The following CNTN5 variants were observed in gnomAD, a reference collection of about 807,000 sequenced individuals.
The protein encoded by CNTN5 is contactin 5.
CNTN5 carries 77 observed loss-of-function variants against 129.1 expected under a neutral mutation model. That is an observed-to-expected ratio of 0.60 (90% confidence interval 0.50 to 0.72). CNTN5 has a LOEUF of 0.72. Ranked by LOEUF, CNTN5 falls within the 30% of genes least tolerant of loss-of-function variation. CNTN5 has a pLI of 0.00. For missense variants in CNTN5, 1,478 were observed against 1,328.8 expected, an observed-to-expected ratio of 1.11 and a Z score of -1.75; for synonymous variants, 509 against 465.6, an observed-to-expected ratio of 1.09 and a Z score of -1.20.
chr11:100,255,066 C>G (rs1401097211), intron 16 of CNTN5, among the ~76,000 whole-genome samples: 1 of 152,118 alleles, frequency 6.6e-6, no homozygotes. Context: ...CTATACCATT[C>G]TTTCATAATC....
chr11:99,149,676 T>A (rs1027316281), intron 1 of CNTN5, among the ~76,000 whole-genome samples: 2 of 152,116 alleles, frequency 1.3e-5, no homozygotes, highest in South Asian at 2.1e-4. Flanking sequence ...AAAAGTATAT[T>A]CTTATTATTT....
chr11:100,239,916 T>A (rs1017707509), intron 16 of CNTN5, among the ~76,000 whole-genome samples: 1 of 152,244 alleles, frequency 6.6e-6, no homozygotes, highest in African/African-American at 2.4e-5. Context: ...TTGAATTATA[T>A]GTTTTGCTCA....
chr11:100,236,163 T>C (rs540169905), intron 16 of CNTN5, among the ~76,000 whole-genome samples: 1 of 152,304 alleles, frequency 6.6e-6, no homozygotes, highest in African/African-American at 2.4e-5. Context: ...GGTCAATTCC[T>C]AGTCAACATA....
At chr11:99,805,438 A>G (rs1333998051) in intron 3 of CNTN5, among the ~76,000 whole-genome samples, 1 of 152,216 alleles carries the variant, frequency 6.6e-6, no homozygotes, top group African/African-American at 2.4e-5. Context: ...TTGTTTATAT[A>G]GAGAAAAAAA....
At chr11:100,168,445 C>CTTGAGA (rs564641576) in intron 13 of CNTN5, among the ~76,000 whole-genome samples, 140 of 152,048 alleles carry the variant, frequency 9.2e-4, no homozygotes, top group African/African-American at 3.1e-3. Flanking sequence ...TTGTAGGGCT[C>CTTGAGA]TTGAGAATTA....
chr11:99,925,431 T>C (rs935903319), intron 7 of CNTN5, among the ~76,000 whole-genome samples: 2 of 152,226 alleles, frequency 1.3e-5, no homozygotes, highest in Admixed American at 1.3e-4. Context: ...ATGCATTTGG[T>C]TGTCCTTTTA....
intron 1 of CNTN5, among the ~76,000 whole-genome samples, chr11:99,142,369 T>C (rs1222753343): frequency 1.3e-5 from 2 of 152,072 alleles, no homozygotes; most frequent in Non-Finnish European, 1.5e-5. Context: ...TGCAGGTGAG[T>C]GCATGCCGGC....
At position 99,778,213 on chromosome 11, in the gene CNTN5, C is replaced by A. The variant is rs552678218; in HGVS notation, c.56-41331C>A. Reference sequence around the variant, plus strand: ...TTTGTGATGGATTCCCAAAAACATTCTTTAGGTATGTCCTGCTTGGATACA... The same window carrying A: ...TTTGTGATGGATTCCCAAAAACATTATTTAGGTATGTCCTGCTTGGATACA... On this transcript the variant is annotated intron_variant, in intron 3 of 24. Coordinates refer to ENST00000524871, the MANE Select transcript of CNTN5 (RefSeq NM_014361.4). Among the ~76,000 whole-genome samples the A allele has an allele frequency of 2.0e-5, 3 of 151,816 alleles. No individual in the cohort carries two copies. The South Asian group carries it at 6.2e-4, about 32-fold the overall frequency.
intron 3 of CNTN5, among the ~76,000 whole-genome samples, chr11:99,638,083 A>G (rs1591400406): frequency 3.9e-5 from 1 of 25,388 alleles, no homozygotes; most frequent in African/African-American, 8.3e-5. Context: ...ACTGAGAAAC[A>G]AACAAAGGTT....
intron 1 of CNTN5, among the ~76,000 whole-genome samples, chr11:99,159,678 A>G (rs571026967): frequency 1.3e-4 from 20 of 152,328 alleles, no homozygotes; most frequent in Admixed American, 3.9e-4. Context: ...CAAGGGAAGC[A>G]ATATCTTGAA....
At chr11:99,809,602 AC>A (rs1446915656) in intron 3 of CNTN5, among the ~76,000 whole-genome samples, 2 of 152,008 alleles carry the variant, frequency 1.3e-5, no homozygotes, top group African/African-American at 2.4e-5. Context: ...GAGTACACCC[AC>A]CTTTTACAGA....
At position 100,329,994 on chromosome 11, in the gene CNTN5, CA is replaced by C. The variant is rs533788886; in HGVS notation, c.2731-10464del. ...CCAAGATGAAATCTCTGCATTGCCA[CA>C]AAAAGAATTCAGAAGGTCAATTACT... On this transcript the variant is annotated intron_variant, in intron 21 of 24. Transcript: ENST00000524871. Among the ~76,000 whole-genome samples the C allele has an allele frequency of 1.1e-3, 163 of 152,076 alleles. 1 individual carries two copies. Among genetic ancestry groups the C allele is most frequent in the African/African-American group, 3.8e-3 (159 of 41,450 alleles).
At chr11:99,238,594 A>T (rs1401461599) in intron 1 of CNTN5, among the ~76,000 whole-genome samples, 1 of 152,184 alleles carries the variant, frequency 6.6e-6, no homozygotes, top group Non-Finnish European at 1.5e-5. Context: ...ATTTTGGAAC[A>T]TTGCCTAACT....
intron 6 of CNTN5, among the ~76,000 whole-genome samples, chr11:99,875,397 T>TA (rs1416963095): frequency 2.0e-5 from 3 of 152,184 alleles, no homozygotes; most frequent in African/African-American, 7.2e-5. Context: ...TCTTCATACT[T>TA]AAAGTGGAGC....
At chr11:99,860,332 A>T (rs1948167240) in intron 6 of CNTN5, among the ~76,000 whole-genome samples, 1 of 151,442 alleles carries the variant, frequency 6.6e-6, no homozygotes, top group African/African-American at 2.4e-5. Flanking sequence ...TGTCAATTTT[A>T]GCTTATGTTG....
intron 7 of CNTN5, among the ~76,000 whole-genome samples, chr11:99,930,380 G>T (rs892103026): frequency 1.3e-5 from 2 of 152,128 alleles, no homozygotes; most frequent in African/African-American, 4.8e-5. Context: ...GGATGTGTTT[G>T]TTCAATTCCT....
intron 8 of CNTN5, among the ~76,000 whole-genome samples, chr11:99,983,061 C>G (rs1044885476): frequency 2.3e-4 from 35 of 152,234 alleles, no homozygotes; most frequent in African/African-American, 7.5e-4. Flanking sequence ...GAATAAACTT[C>G]ATTTCTTCAC....
chr11:100,107,726 A>T (rs1945496694), intron 13 of CNTN5, among the ~76,000 whole-genome samples: 1 of 152,216 alleles, frequency 6.6e-6, no homozygotes, highest in African/African-American at 2.4e-5. Flanking sequence ...ATAAATTGTT[A>T]TGAAAAATTT....
intron 6 of CNTN5, among the ~76,000 whole-genome samples, chr11:99,880,096 A>G (rs1345181378): frequency 6.6e-6 from 1 of 152,192 alleles, no homozygotes; most frequent in African/African-American, 2.4e-5. Flanking sequence ...AGTAAACTGT[A>G]TATAGTTACA....
Sources: allele counts gnomAD v4.1 joint callset (sites outside exome capture counted in the v4.1 genomes callset), GRCh38; gene constraint gnomAD v4.1.1; transcripts MANE v1.5; gene names NCBI Gene and HGNC (gene_info 2026-07-23, HGNC 2026-07-21).